MKLN1: variants seen among roughly 807,000 people sequenced by gnomAD.
MKLN1 encodes muskelin.
A neutral mutation model predicts 99.0 loss-of-function variants in MKLN1; 18 were observed. The observed-to-expected ratio is 0.18, with a 90% CI of 0.13 to 0.27. The LOEUF is 0.27. MKLN1 is among the 10% of genes least tolerant of loss of function. The pLI is 1.00. For missense variants in MKLN1, 621 were observed against 875.9 expected (o/e 0.71, Z 3.67); for synonymous variants, 288 against 293.2 (o/e 0.98, Z 0.18).
chr7:131,439,284 A>G (rs1442955187), intron 10 of MKLN1, among the ~76,000 whole-genome samples: 1 of 152,054 alleles, frequency 6.6e-6, no homozygotes, highest in African/African-American at 2.4e-5. Context: ...AAAGATGCTG[A>G]TGTCTTTTTT....
At chr7:131,169,081 G>T (rs1335756875) in intron 2 of MKLN1, among the ~76,000 whole-genome samples, 1 of 152,100 alleles carries the variant, frequency 6.6e-6, no homozygotes, top group East Asian at 1.9e-4. Context: ...GGCCAGGCTG[G>T]TCTCCAACTC....
intron 2 of MKLN1, among the ~76,000 whole-genome samples, chr7:131,192,177 T>TA (rs199745919): frequency 0.1 from 8,557 of 82,076 alleles, 1,361 homozygotes; most frequent in African/African-American, 0.15. Flanking sequence ...GTATAATATA[T>TA]AAAAATATAT....
intron 2 of MKLN1, among the ~76,000 whole-genome samples, chr7:131,180,523 A>C (rs1796363837): frequency 6.6e-6 from 1 of 151,976 alleles, no homozygotes. Flanking sequence ...ACATGGTGAA[A>C]CTCTGTCTCT....
intron 2 of MKLN1, among the ~76,000 whole-genome samples, chr7:131,165,686 A>C (rs565175827): frequency 6.6e-6 from 1 of 152,378 alleles, no homozygotes; most frequent in East Asian, 1.9e-4. Flanking sequence ...TGAAGAATTT[A>C]GACCTTTTGA....
chr7:131,466,596 A>G (rs368650943), intron 15 of MKLN1, among the ~76,000 whole-genome samples, 181 bp downstream of exon 15: 4 of 152,346 alleles, frequency 2.6e-5, no homozygotes, highest in East Asian at 3.9e-4. Context: ...TATTGATGCT[A>G]AAAATTTATA....
At chr7:131,439,561 A>G (rs1225808084) in intron 10 of MKLN1, among the ~76,000 whole-genome samples, 2 of 152,172 alleles carry the variant, frequency 1.3e-5, no homozygotes, top group African/African-American at 4.8e-5. Context: ...TCTATTTCAT[A>G]CAAATAAAGC....
intron 1 of MKLN1, among the ~76,000 whole-genome samples, chr7:131,362,184 G>T (rs1800050348): frequency 6.6e-6 from 1 of 151,866 alleles, no homozygotes; most frequent in Non-Finnish European, 1.5e-5. Context: ...TTAACGACTG[G>T]GATGTGTTCT....
chr7:131,238,113 C>T (rs1797351231), intron 3 of MKLN1, among the ~76,000 whole-genome samples: 1 of 152,102 alleles, frequency 6.6e-6, no homozygotes, highest in South Asian at 2.1e-4. Context: ...TGCCACTGCA[C>T]TCCAGCCTGG....
intron 1 of MKLN1, among the ~76,000 whole-genome samples, chr7:131,117,355 G>A (rs778566249): frequency 1.7e-4 from 26 of 151,864 alleles, no homozygotes; most frequent in Middle Eastern, 3.4e-3. Flanking sequence ...GCTTGAACCC[G>A]GGAGGCAGAG....
At chr7:131,295,721 T>C (rs1456961004) in intron 3 of MKLN1, among the ~76,000 whole-genome samples, 1 of 151,782 alleles carries the variant, frequency 6.6e-6, no homozygotes, top group East Asian at 1.9e-4. Flanking sequence ...TCGTCTCTAC[T>C]AAAAATAAAA....
At chr7:131,215,601 A>G (rs1470652604) in intron 3 of MKLN1, among the ~76,000 whole-genome samples, 2 of 152,210 alleles carry the variant, frequency 1.3e-5, no homozygotes, top group Admixed American at 6.5e-5. Context: ...AAGTTCTAGG[A>G]TTATAAATGT....
chr7:131,284,852 G>A (rs1404988965), intron 3 of MKLN1, among the ~76,000 whole-genome samples: 3 of 152,208 alleles, frequency 2.0e-5, no homozygotes, highest in Non-Finnish European at 4.4e-5. Context: ...TGAGGGGAAT[G>A]ATGCATGAAA....
chr7:131,330,159 A>G (rs1287198029), intron 1 of MKLN1, among the ~76,000 whole-genome samples: 1 of 152,188 alleles, frequency 6.6e-6, no homozygotes, highest in Non-Finnish European at 1.5e-5. Flanking sequence ...TGTGTGACAG[A>G]AGATGTAGGA....
rs138317765 is a variant in MKLN1, at chr7:131,132,858, G to A, written c.-418-9962G>A. Among the ~76,000 whole-genome samples the A allele has an allele frequency of 3.4e-3, 504 of 147,638 alleles. 1 individual carries two copies. Among genetic ancestry groups the A allele is most frequent in the Non-Finnish European group, 6.1e-3 (409 of 67,064 alleles). On this transcript the variant is annotated intron_variant, in intron 1 of 7. Coordinates refer to the MKLN1 transcript ENST00000416992. ...GGAGAATCGCTTAAACCTGGGAGGCGGAGGTTGCAGTGGACCGAGATCAAG... is the reference window on the plus strand; with the variant it reads ...GGAGAATCGCTTAAACCTGGGAGGCAGAGGTTGCAGTGGACCGAGATCAAG...
intron 3 of MKLN1, among the ~76,000 whole-genome samples, chr7:131,214,915 G>A (rs1991117): frequency 0.25 from 38,551 of 152,030 alleles, 5,387 homozygotes; most frequent in East Asian, 0.66. Flanking sequence ...ATATACAAAA[G>A]TACATGTTAT....
Position 131,429,070 on chromosome 7 carries a change from A to C in MKLN1, c.885A>C (p.Gln295His). The C allele has an allele frequency of 6.2e-7, 1 of 1,614,026 alleles. No individual in the cohort carries two copies. Among genetic ancestry groups the C allele is most frequent in the East Asian group, 2.2e-5 (1 of 44,872 alleles). Residue 295 changes from glutamine to histidine, a missense_variant, in exon 9 of 18, where the codon CAA becomes CAC. Physicochemically the swap from Gln to His is conservative, Grantham distance 24. Coordinates refer to ENST00000352689, the MANE Select transcript of MKLN1 (RefSeq NM_013255.5). The stretch of plus-strand genomic sequence containing the variant: ...TGTTTGGTGGCTGGGATGGAACACA[A>C]GATCTTGCTGACTTCTGGGCGTACA... ...VYLFGGWDGT[Q>H]DLADFWAYSV...
chr7:131,245,339 C>T (rs535455002), intron 3 of MKLN1, among the ~76,000 whole-genome samples: 1 of 147,424 alleles, frequency 6.8e-6, no homozygotes, highest in East Asian at 2.1e-4. Flanking sequence ...GTGATCTCGG[C>T]TCACTGCAAC....
At position 131,298,999 on chromosome 7, in the gene MKLN1, C is replaced by T. The variant is rs535927499; in HGVS notation, c.-178-76425C>T. Among the ~76,000 whole-genome samples the T allele has an allele frequency of 7.2e-5, 11 of 152,156 alleles. No homozygotes were observed. In the East Asian group the frequency reaches 2.1e-3, roughly 29 times the overall value. ...TTGAGACCAGCTTGGGCAACAACAG[C>T]GAGATTCTGTCTCTATTGTTTATAA... On this transcript the variant is annotated intron_variant, in intron 3 of 7. Transcript: ENST00000416992.
Position 131,493,257 on chromosome 7 carries a change from T to C in MKLN1, c.*5529T>C, listed in dbSNP as rs1797471669. 6.6e-6 allele frequency: 1 copy of C among 152,198 alleles called. No homozygotes were observed. The highest frequency in any genetic ancestry group is 2.1e-4 in the South Asian group (1 of 4,832). The allele number at this position is 152,198 out of a possible 1,614,324, so 9.4% of individuals were successfully genotyped here. ...GCCTCAGTGAACTATTAAACATTTG[T>C]GTGCAAAGTCCTATTTTGCTTATCT... On this transcript the variant is annotated 3_prime_UTR_variant, in exon 18 of 18. Transcript: ENST00000352689.
Sources: gnomAD v4.1 joint callset for allele counts (sites outside exome capture counted in the v4.1 genomes callset) on GRCh38, gnomAD v4.1.1 for gene constraint, MANE v1.5 for transcripts, NCBI Gene and HGNC (gene_info 2026-07-23, HGNC 2026-07-21) for gene names.